The following ITGB1BP2 variants were observed in gnomAD, a reference collection of about 807,000 sequenced individuals.
ITGB1BP2 encodes integrin subunit beta 1 binding protein 2, also known as integrin beta-1-binding protein 2.
A neutral mutation model predicts 32.2 loss-of-function variants in ITGB1BP2; 27 were observed. The ratio of observed to expected loss-of-function variants is 0.84; its 90% CI spans 0.62 to 1.16. The LOEUF is 1.16. ITGB1BP2 is among the 50% of genes most tolerant of loss of function. The pLI, the probability that ITGB1BP2 is intolerant of heterozygous loss-of-function variation, is 0.00. For synonymous variants in ITGB1BP2, 105 were observed against 94.7 expected (o/e 1.11, Z -0.63); for missense variants, 250 against 267.3 (o/e 0.94, Z 0.45).
rs1052733317 is a variant in ITGB1BP2 at position 71,305,069 on chromosome X, T to TG, written c.922dup (p.Ala308GlyfsTer4). On this transcript the variant is annotated frameshift_variant, in exon 11 of 11. Transcript: ENST00000373829. LOFTEE classifies it high-confidence loss of function. ...CCTGGGCCCAGCTGGAGCACCCTGATGCACTAGCTAAGAAGGCTAGGGCAG... is the reference window on the plus strand; with the variant it reads ...CCTGGGCCCAGCTGGAGCACCCTGATGGCACTAGCTAAGAAGGCTAGGGCAG... The TG allele has an allele frequency of 8.3e-7, 1 of 1,209,710 alleles. No individual in the cohort carries two copies. Among genetic ancestry groups the TG allele is most frequent in the African/African-American group, 1.7e-5 (1 of 57,209 alleles).
chrX:71,303,743 C>T (rs2031652743), intron 7 of ITGB1BP2, 46 bp downstream of exon 7: 1 of 1,184,420 alleles, frequency 8.4e-7, no homozygotes, highest in Non-Finnish European at 1.1e-6. Context: ...AGACAGGTTT[C>T]TCCTAATATT....
In ITGB1BP2 at chrX:71,305,174, G is replaced by A. The variant is rs779750581; in HGVS notation, c.1026G>A (p.Glu342=). 7.5e-6 allele frequency: 9 copies of A among 1,201,146 alleles called. No individual in the cohort carries two copies. Among genetic ancestry groups the A allele is most frequent in the Non-Finnish European group, 9.0e-6 (8 of 888,684 alleles). ...GCTGGACAGAGGAGGAGGAAGAGGA[G>A]GAAGCAATGGGGGAATAGTGACACC... The part of the protein sequence containing the change: ...DLSWTEEEEE[E]EAMGE The change falls in exon 11 of 11, where the codon GAG becomes GAA. Residue 342 remains glutamate (E), a synonymous_variant. Transcript: ENST00000373829.
Position 71,302,507 on chromosome X carries a change from CTGAA to C in ITGB1BP2, c.271_274del (p.Asn91Ter). Reference sequence around the variant, plus strand: ...CAGTTCACTTCAGGAGCAAAAACCTCTGAATGTGATTCCAAAGTCAGCAGAGACC... The same window carrying C: ...CAGTTCACTTCAGGAGCAAAAACCTCTGTGATTCCAAAGTCAGCAGAGACC... On this transcript the variant is annotated frameshift_variant, in exon 4 of 11. Transcript: ENST00000373829. LOFTEE classifies it high-confidence loss of function. 2.5e-6 allele frequency: 3 copies of C among 1,211,012 alleles called. No individual in the cohort carries two copies. Among genetic ancestry groups the C allele is most frequent in the Non-Finnish European group, 3.4e-6 (3 of 895,176 alleles).
At chrX:71,303,746 C>G (rs1319746481) in intron 7 of ITGB1BP2, 49 bp downstream of exon 7, 1 of 1,186,119 alleles carries the variant, frequency 8.4e-7, no homozygotes, top group Non-Finnish European at 1.1e-6. Flanking sequence ...CAGGTTTCTC[C>G]TAATATTTGG....
intron 4 of ITGB1BP2, among the ~76,000 whole-genome samples, 182 bp from the exon 5 acceptor site, chrX:71,303,080 C>G (rs764506437): frequency 9.0e-5 from 10 of 111,463 alleles, no homozygotes; most frequent in Non-Finnish European, 1.9e-4. Context: ...GGGGATTTCT[C>G]TAGGGTTCAG....
Sources: allele counts gnomAD v4.1 joint callset (sites outside exome capture counted in the v4.1 genomes callset), GRCh38; gene constraint gnomAD v4.1.1; transcripts MANE v1.5; gene names NCBI Gene and HGNC (gene_info 2026-07-23, HGNC 2026-07-21).